MIR2052HG: variants seen among roughly 807,000 people sequenced by gnomAD.
MIR2052HG encodes the protein MIR2052 host gene.
At chr8:74,644,856 A>T (rs1808675168) in intron 2 of MIR2052HG, among the ~76,000 whole-genome samples, 2 of 152,066 alleles carry the variant, frequency 1.3e-5, no homozygotes, top group Admixed American at 6.6e-5. Context: ...ATGCCACTCC[A>T]CTCTAGCCTG....
chr8:74,633,265 C>T lies in MIR2052HG; in HGVS notation n.216+20325C>T, dbSNP rs74730423. ...ATGGTCTTGAACTCCTGGGTTCCAG[C>T]GATCTTCCTACCTCAGCCTCCCAAA... On this transcript the variant is annotated intron_variant and non_coding_transcript_variant, in intron 2 of 6. Coordinates refer to ENST00000523442, the Ensembl canonical transcript of MIR2052HG. 8.8e-3 allele frequency: 1,342 copies of T among 152,236 alleles called. 10 individuals are homozygous for T. Among genetic ancestry groups the T allele is most frequent in the Non-Finnish European group, 0.014 (977 of 68,088 alleles). 9.4% of individuals were successfully genotyped at this position (152,236 alleles called of 1,614,324 possible).
chr8:74,687,844 C>CA (rs994769565), intron 2 of MIR2052HG, among the ~76,000 whole-genome samples: 1 of 152,038 alleles, frequency 6.6e-6, no homozygotes, highest in African/African-American at 2.4e-5. Flanking sequence ...ATTCTTATCA[C>CA]AAAAATGGGA....
chr8:74,647,712 G>C (rs779219046), intron 2 of MIR2052HG, among the ~76,000 whole-genome samples: 1 of 152,214 alleles, frequency 6.6e-6, no homozygotes, highest in East Asian at 1.9e-4. Context: ...TGGAGGGACC[G>C]GCTGAAGCTG....
intron 2 of MIR2052HG, among the ~76,000 whole-genome samples, chr8:74,668,123 TAGA>T (rs1215080620): frequency 4.6e-5 from 7 of 151,798 alleles, no homozygotes; most frequent in South Asian, 2.1e-4. Flanking sequence ...GAAAGAAATG[TAGA>T]AGAAGTGGCT....
At chr8:74,730,061 T>A (rs1489348987) in intron 4 of MIR2052HG, among the ~76,000 whole-genome samples, 1 of 152,172 alleles carries the variant, frequency 6.6e-6, no homozygotes, top group East Asian at 1.9e-4. Flanking sequence ...ATGAGCTGAG[T>A]AATTGTTCAA....
At chr8:74,667,089 C>T (rs1808937364) in intron 2 of MIR2052HG, among the ~76,000 whole-genome samples, 1 of 152,172 alleles carries the variant, frequency 6.6e-6, no homozygotes, top group African/African-American at 2.4e-5. Flanking sequence ...GATAAATCAC[C>T]AGGTGTTCTT....
intron 2 of MIR2052HG, among the ~76,000 whole-genome samples, chr8:74,634,540 C>T (rs17268916): frequency 0.13 from 19,466 of 151,942 alleles, 1,694 homozygotes; most frequent in Middle Eastern, 0.27. Flanking sequence ...GTTTTACTAT[C>T]GTTTTCAAGT....
intron 5 of MIR2052HG, chr8:74,757,515 G>T (rs937695233): frequency 6.6e-6 from 1 of 152,210 alleles, no homozygotes; most frequent in African/African-American, 2.4e-5. Flanking sequence ...TGTCTTGCAT[G>T]AATTATTTCA....
At chr8:74,634,179 T>A (rs549280840) in intron 2 of MIR2052HG, among the ~76,000 whole-genome samples, 10 of 152,302 alleles carry the variant, frequency 6.6e-5, no homozygotes, top group Middle Eastern at 3.4e-3. Context: ...TATTGGAGAA[T>A]TCAGGAACTA....
chr8:74,662,442 G>C (rs1029848935), intron 2 of MIR2052HG, among the ~76,000 whole-genome samples: 5 of 152,000 alleles, frequency 3.3e-5, no homozygotes, highest in African/African-American at 1.2e-4. Context: ...CTGAGGGGTG[G>C]GGGGCAAGGG....
chr8:74,705,489 T>C (rs1416799313), intron 4 of MIR2052HG, among the ~76,000 whole-genome samples: 1 of 152,070 alleles, frequency 6.6e-6, no homozygotes, highest in Non-Finnish European at 1.5e-5. Context: ...GCTGAATTTA[T>C]GGCCTTTTGA....
chr8:74,730,892 G>A (rs1477491180), intron 4 of MIR2052HG, among the ~76,000 whole-genome samples: 1 of 152,126 alleles, frequency 6.6e-6, no homozygotes, highest in Non-Finnish European at 1.5e-5. Context: ...TTGGGCGGTG[G>A]CCAGTGGCCA....
intron 1 of MIR2052HG, among the ~76,000 whole-genome samples, chr8:74,602,614 C>A (rs565607311): frequency 6.6e-6 from 1 of 151,522 alleles, no homozygotes; most frequent in South Asian, 2.1e-4. Context: ...TGGGTTCAAG[C>A]AATTCTCCTG....
chr8:74,713,961 A>G (rs1330317652), intron 4 of MIR2052HG, among the ~76,000 whole-genome samples: 1 of 151,950 alleles, frequency 6.6e-6, no homozygotes, highest in Admixed American at 6.6e-5. Flanking sequence ...AGATGGGGGG[A>G]ACAGAGTTAA....
At chr8:74,668,687 G>T (rs1257511198) in intron 2 of MIR2052HG, among the ~76,000 whole-genome samples, 1 of 152,184 alleles carries the variant, frequency 6.6e-6, no homozygotes, top group Non-Finnish European at 1.5e-5. Flanking sequence ...ATGGCTGGCA[G>T]AGCTGTCCCC....
chr8:74,602,817 G>GTTTTCTTTC (rs554782820), intron 1 of MIR2052HG, among the ~76,000 whole-genome samples: 1 of 73,786 alleles, frequency 1.4e-5, no homozygotes, highest in Non-Finnish European at 2.5e-5. Flanking sequence ...GCCCGGCCGT[G>GTTTTCTTTC]TTTCTTTCTT....
At chr8:74,624,640 C>G (rs1016454237) in intron 2 of MIR2052HG, among the ~76,000 whole-genome samples, 1 of 152,190 alleles carries the variant, frequency 6.6e-6, no homozygotes, top group Non-Finnish European at 1.5e-5. Context: ...CTTGTAAATG[C>G]ATTTGATCAA....
intron 2 of MIR2052HG, among the ~76,000 whole-genome samples, chr8:74,647,641 A>G (rs1308907150): frequency 6.6e-6 from 1 of 152,176 alleles, no homozygotes; most frequent in African/African-American, 2.4e-5. Context: ...TAAGTTAGCA[A>G]CCTGAAGCAT....
At chr8:74,628,805 G>A (rs1429855809) in intron 2 of MIR2052HG, 1 of 152,096 alleles carries the variant, frequency 6.6e-6, no homozygotes, top group East Asian at 1.9e-4. Flanking sequence ...TCTGACCTTT[G>A]GTGTTGATTC....
Sources: allele counts gnomAD v4.1 joint callset (sites outside exome capture counted in the v4.1 genomes callset), GRCh38; gene constraint gnomAD v4.1.1; transcripts MANE v1.5; gene names NCBI Gene and HGNC (gene_info 2026-07-23, HGNC 2026-07-21).